GRID2: variants seen among roughly 807,000 people sequenced by gnomAD.
GRID2 encodes glutamate ionotropic receptor delta type subunit 2.
A neutral mutation model predicts 114.8 loss-of-function variants in GRID2; 33 were observed. That is an observed-to-expected ratio of 0.29 (90% CI 0.22 to 0.38). GRID2 has a LOEUF of 0.38. GRID2 is among the 10% of genes least tolerant of loss of function. The pLI is 1.00. For synonymous variants in GRID2, 505 were observed against 449.9 expected (o/e 1.12, Z -1.55); for missense variants, 1,184 against 1,257.7 (o/e 0.94, Z 0.89).
chr4:92,950,749 T>G, intron 2 of GRID2, among the ~76,000 whole-genome samples: 1 of 152,198 alleles, frequency 6.6e-6, no homozygotes, highest in East Asian at 1.9e-4. Flanking sequence ...ATAAGAAAAG[T>G]ACTTGTTTTA....
intron 2 of GRID2, among the ~76,000 whole-genome samples, chr4:92,603,678 A>G (rs1440751473): frequency 6.6e-6 from 1 of 152,152 alleles, no homozygotes. Context: ...ACGAAAGCAG[A>G]ATTTGACAAA....
chr4:92,404,207 T>C (rs1458827312), intron 1 of GRID2, among the ~76,000 whole-genome samples: 1 of 152,184 alleles, frequency 6.6e-6, no homozygotes, highest in Non-Finnish European at 1.5e-5. Context: ...TATGCCTATA[T>C]TCATTTTTTT....
intron 2 of GRID2, among the ~76,000 whole-genome samples, chr4:92,865,772 T>A (rs141668008): frequency 6.6e-6 from 1 of 152,316 alleles, no homozygotes; most frequent in Non-Finnish European, 1.5e-5. Context: ...GACTGAATAA[T>A]ATTTCGGCCA....
intron 1 of GRID2, among the ~76,000 whole-genome samples, chr4:92,384,433 AATATATATATAT>A (rs372161362): frequency 0.014 from 423 of 30,234 alleles, 8 homozygotes; most frequent in African/African-American, 0.038. Context: ...TGTGTGTAGG[AATATATATATAT>A]ATATATATAT....
chr4:93,485,836 A>G (rs1726335886), intron 11 of GRID2, among the ~76,000 whole-genome samples: 1 of 151,638 alleles, frequency 6.6e-6, no homozygotes, highest in Non-Finnish European at 1.5e-5. Context: ...TACTTTTGCA[A>G]CTTCATATAA....
At chr4:92,998,005 G>A (rs754593332) in intron 2 of GRID2, among the ~76,000 whole-genome samples, 1 of 151,826 alleles carries the variant, frequency 6.6e-6, no homozygotes, top group South Asian at 2.1e-4. Flanking sequence ...AAAAGCTATG[G>A]CTTTATTTTC....
intron 1 of GRID2, among the ~76,000 whole-genome samples, chr4:93,780,428 G>A (rs1734457143): frequency 6.6e-6 from 1 of 152,170 alleles, no homozygotes; most frequent in Non-Finnish European, 1.5e-5. Context: ...GTAACAAATG[G>A]CTCACATTAC....
chr4:92,711,586 G>A (rs548967291), intron 2 of GRID2, among the ~76,000 whole-genome samples: 1 of 152,074 alleles, frequency 6.6e-6, no homozygotes, highest in African/African-American at 2.4e-5. Flanking sequence ...TCTGCTACCA[G>A]CTGGAGAAAA....
At chr4:93,749,179 T>G (rs1732102890) in intron 14 of GRID2, among the ~76,000 whole-genome samples, 1 of 152,154 alleles carries the variant, frequency 6.6e-6, no homozygotes, top group Non-Finnish European at 1.5e-5. Flanking sequence ...GGTTAGGGGA[T>G]TTTTAAAAAC....
At chr4:92,853,224 T>C (rs572481376) in intron 2 of GRID2, among the ~76,000 whole-genome samples, 1 of 151,956 alleles carries the variant, frequency 6.6e-6, no homozygotes, top group Admixed American at 6.6e-5. Context: ...TTAAATGATA[T>C]AATATATGAC....
intron 2 of GRID2, among the ~76,000 whole-genome samples, chr4:92,804,194 C>A (rs911735235): frequency 3.3e-5 from 5 of 151,944 alleles, no homozygotes; most frequent in African/African-American, 1.2e-4. Flanking sequence ...ATCTTCTTTG[C>A]AAATAAGGTC....
intron 2 of GRID2, among the ~76,000 whole-genome samples, chr4:92,693,770 CTTAAA>C (rs1256840090): frequency 6.6e-6 from 1 of 152,152 alleles, no homozygotes. Context: ...TTTCATGGAA[CTTAAA>C]TTATAGTTAT....
chr4:93,021,976 G>T (rs1047023088), intron 2 of GRID2, among the ~76,000 whole-genome samples: 1 of 151,012 alleles, frequency 6.6e-6, no homozygotes, highest in African/African-American at 2.4e-5. Flanking sequence ...AAACATAATT[G>T]CAGTTTTTGC....
intron 8 of GRID2, among the ~76,000 whole-genome samples, chr4:93,326,264 C>G (rs932476980): frequency 4.6e-5 from 7 of 152,182 alleles, no homozygotes; most frequent in African/African-American, 1.7e-4. Flanking sequence ...GGTTACGATA[C>G]AGAGGTCCTG....
chr4:92,473,769 A>G (rs1339019247), intron 1 of GRID2, among the ~76,000 whole-genome samples: 1 of 152,036 alleles, frequency 6.6e-6, no homozygotes, highest in African/African-American at 2.4e-5. Context: ...AGACAGTTGA[A>G]ATATCCTTCT....
intron 2 of GRID2, among the ~76,000 whole-genome samples, chr4:92,679,889 C>T (rs1249474698): frequency 6.7e-6 from 1 of 149,874 alleles, no homozygotes; most frequent in Admixed American, 6.7e-5. Flanking sequence ...ATTGCAAGTG[C>T]TAAAACTTCC....
intron 8 of GRID2, among the ~76,000 whole-genome samples, chr4:93,316,359 GGAAAA>G: frequency 8.3e-6 from 1 of 121,094 alleles, no homozygotes; most frequent in Admixed American, 9.0e-5. Flanking sequence ...AAGGAAGGAA[GGAAAA>G]GAAAAAGAAA....
At chr4:92,973,789 G>A (rs1050837510) in intron 2 of GRID2, among the ~76,000 whole-genome samples, 1 of 152,018 alleles carries the variant, frequency 6.6e-6, no homozygotes, top group African/African-American at 2.4e-5. Flanking sequence ...AAATGACTGG[G>A]AATTGTAATA....
chr4:93,678,393 C>A (rs1231594362), intron 14 of GRID2, among the ~76,000 whole-genome samples: 1 of 152,146 alleles, frequency 6.6e-6, no homozygotes, highest in Admixed American at 6.5e-5. Context: ...TCTAGCAAGG[C>A]AGGCCAACAT....
Sources: gnomAD v4.1 joint callset for allele counts (sites outside exome capture counted in the v4.1 genomes callset) on GRCh38, gnomAD v4.1.1 for gene constraint, MANE v1.5 for transcripts, NCBI Gene and HGNC (gene_info 2026-07-23, HGNC 2026-07-21) for gene names.